Variants in INO80D observed in about 807,000 individuals in gnomAD.
INO80D encodes INO80 complex subunit D.
Under a neutral mutation model 87.6 loss-of-function variants are expected in INO80D, and 21 were observed. The observed-to-expected ratio is 0.24, with a 90% CI of 0.17 to 0.35. The LOEUF is 0.35. Among genes scored for constraint, INO80D ranks in the 10% least tolerant of loss-of-function variants. The probability of loss-of-function intolerance (pLI) is 1.00; values close to 1 mark genes in which losing one functional copy is unlikely to be tolerated. For missense variants in INO80D, 982 were observed against 1,280.7 expected, an observed-to-expected ratio of 0.77 and a Z score of 3.56; for synonymous variants, 440 against 491.0, an observed-to-expected ratio of 0.90 and a Z score of 1.37.
At chr2:206,076,996 G>T in intron 1 of INO80D, among the ~76,000 whole-genome samples, 1 of 152,220 alleles carries the variant, frequency 6.6e-6, no homozygotes, top group South Asian at 2.1e-4. Flanking sequence ...ATTAGAAGCC[G>T]GGCGCGGTGG....
Position 206,085,593 on chromosome 2 carries a change from C to CG in INO80D, c.-124+307_-124+308insC, listed in dbSNP as rs1690433123. Reference sequence around the variant, plus strand: ...CGGCCCGAGGCCTACCGGCGCCCCCCCCTCCCGCCGCACACCCCCACCTGG... The same window carrying CG: ...CGGCCCGAGGCCTACCGGCGCCCCCCGCCTCCCGCCGCACACCCCCACCTGG... On this transcript the variant is annotated intron_variant, in intron 1 of 10. Coordinates refer to ENST00000403263, the MANE Select transcript of INO80D (RefSeq NM_017759.5). This position sits in a 1 kb window ranked among gnomAD's most constrained non-coding sequence, Gnocchi z 4.5. 1 of 149,294 alleles carries CG rather than the reference C, an allele frequency of 6.7e-6. No homozygotes were observed. The highest frequency in any genetic ancestry group is 2.1e-4 in the South Asian group (1 of 4,824). 9.2% of individuals were successfully genotyped at this position (149,294 alleles called of 1,614,324 possible).
At chr2:206,083,743 TAAC>T (rs1690348160) in intron 1 of INO80D, among the ~76,000 whole-genome samples, 1 of 149,714 alleles carries the variant, frequency 6.7e-6, no homozygotes, top group African/African-American at 2.5e-5. Flanking sequence ...AGCTTTTCAC[TAAC>T]AACAGTGCTG....
intron 1 of INO80D, among the ~76,000 whole-genome samples, chr2:206,084,376 C>G (rs1022877752): frequency 6.6e-6 from 1 of 152,198 alleles, no homozygotes. Context: ...CTCCATTACT[C>G]TATTTCTAGG....
intron 3 of INO80D, among the ~76,000 whole-genome samples, chr2:206,058,739 C>G (rs563430901): frequency 2.6e-5 from 4 of 151,618 alleles, no homozygotes; most frequent in African/African-American, 7.2e-5. Context: ...TCTCAAAAAA[C>G]AAACAACAAA....
At position 206,062,598 on chromosome 2, in the gene INO80D, T is replaced by C. The variant is rs1272638276; in HGVS notation, c.218+201A>G. On this transcript the variant is annotated intron_variant, in intron 3 of 10. Coordinates refer to ENST00000403263, the MANE Select transcript of INO80D (RefSeq NM_017759.5). This position sits in a 1 kb window ranked among gnomAD's most constrained non-coding sequence, Gnocchi z 4.6. Reference sequence around the variant, plus strand: ...GTAATTCCCCAAATTTATTACTCTATTTTAAAAAATTGCCATATTTCATCT... The same window carrying C: ...GTAATTCCCCAAATTTATTACTCTACTTTAAAAAATTGCCATATTTCATCT... Among the ~76,000 whole-genome samples the C allele has an allele frequency of 1.3e-5, 2 of 152,210 alleles. No individual in the cohort carries two copies. Among genetic ancestry groups the C allele is most frequent in the African/African-American group, 4.8e-5 (2 of 41,458 alleles).
chr2:206,074,614 T>A lies in INO80D; in HGVS notation c.-124+11287A>T, dbSNP rs186327179. 3.7e-4 allele frequency among the ~76,000 whole-genome samples: 55 copies of A among 150,316 alleles called. No homozygotes were observed. In the East Asian group the frequency reaches 9.2e-3, roughly 25 times the overall value. On this transcript the variant is annotated intron_variant, in intron 1 of 10. Coordinates refer to ENST00000403263, the MANE Select transcript of INO80D (RefSeq NM_017759.5). ...GTCTAAAAACAAAAACAAAAAACAG[T>A]AGGAAATATGATTAGGTTTAGGTTT...
rs555093166 is a variant in INO80D at position 206,085,210 on chromosome 2, C to T, written c.-124+691G>A. ...TCTGGGCCGCGGCTGCACCTGACTCCTCACCGCCCCTCCACCCGACCCCAC... is the reference window on the plus strand; with the variant it reads ...TCTGGGCCGCGGCTGCACCTGACTCTTCACCGCCCCTCCACCCGACCCCAC... On this transcript the variant is annotated intron_variant, in intron 1 of 10. Coordinates refer to ENST00000403263, the MANE Select transcript of INO80D (RefSeq NM_017759.5). This position sits in a 1 kb window ranked among gnomAD's most constrained non-coding sequence, Gnocchi z 4.5. Among the ~76,000 whole-genome samples, 1 of 152,250 alleles carries T rather than the reference C, an allele frequency of 6.6e-6. No homozygotes were observed. Among genetic ancestry groups the T allele is most frequent in the African/African-American group, 2.4e-5 (1 of 41,568 alleles).
chr2:206,005,023 A>T lies in INO80D; in HGVS notation c.2429T>A (p.Ile810Asn). Residue 810 changes from isoleucine to asparagine, a missense_variant, in exon 11 of 11, where the codon ATC becomes AAC. Physicochemically the swap from Ile to Asn is moderately radical, Grantham distance 149. Coordinates refer to ENST00000403263, the MANE Select transcript of INO80D (RefSeq NM_017759.5). ...ACTGCTGTATTGCTGTCGTGAGGTG[A>T]TTAGGTCATCTGCCTTGCTCAGCAG... is the stretch of plus-strand genomic sequence containing the variant. The part of the protein sequence containing the change: ...AQLLSKADDL[I>N]TSRQQYSSDH... 1 of 1,613,890 alleles carries T rather than the reference A, an allele frequency of 6.2e-7. No individual in the cohort carries two copies. Among genetic ancestry groups the T allele is most frequent in the Non-Finnish European group, 8.5e-7 (1 of 1,179,850 alleles).
At chr2:206,043,476 G>T (rs940623771) in intron 5 of INO80D, among the ~76,000 whole-genome samples, 2 of 151,338 alleles carry the variant, frequency 1.3e-5, no homozygotes, top group Non-Finnish European at 2.9e-5. Context: ...AGCCAGGTAG[G>T]GCCAATTTTC....
intron 1 of INO80D, among the ~76,000 whole-genome samples, chr2:206,065,210 C>A (rs1056718834): frequency 6.6e-6 from 1 of 152,156 alleles, no homozygotes; most frequent in African/African-American, 2.4e-5. Flanking sequence ...GTGGCTCATG[C>A]CTGTAATCCC....
chr2:206,022,342 G>C (rs927393376), intron 6 of INO80D, among the ~76,000 whole-genome samples: 5 of 151,964 alleles, frequency 3.3e-5, no homozygotes, highest in African/African-American at 1.2e-4. Flanking sequence ...ACTCCAGCCT[G>C]GGCAACAGAG....
intron 5 of INO80D, among the ~76,000 whole-genome samples, chr2:206,039,550 G>A (rs1465637905): frequency 6.6e-6 from 1 of 151,840 alleles, no homozygotes; most frequent in African/African-American, 2.4e-5. Context: ...AGTGGCTCAC[G>A]CCTATAATCG....
chr2:206,016,590 G>C (rs1238327471), intron 8 of INO80D, among the ~76,000 whole-genome samples: 1 of 152,194 alleles, frequency 6.6e-6, no homozygotes, highest in Non-Finnish European at 1.5e-5. Context: ...ACAATGTGAA[G>C]ATATGCTATT....
At chr2:206,046,403 G>T in intron 5 of INO80D, 101 bp downstream of exon 5, 1 of 768,986 alleles carries the variant, frequency 1.3e-6, no homozygotes, top group Non-Finnish European at 2.2e-6. Flanking sequence ...AGTCAGGCTT[G>T]GTGGCAGTAA....
chr2:206,007,277 A>C lies in INO80D; in HGVS notation c.1918+7T>G, dbSNP rs1467223851. The C allele has an allele frequency of 1.2e-6, 2 of 1,612,086 alleles. No homozygotes were observed. Among genetic ancestry groups the C allele is most frequent in the Non-Finnish European group, 1.7e-6 (2 of 1,179,196 alleles). On this transcript the variant is annotated splice_region_variant and intron_variant, in intron 10 of 10. Coordinates refer to ENST00000403263, the MANE Select transcript of INO80D (RefSeq NM_017759.5). ...CCAGTTTCCTTGAGTCAAAATATTG[A>C]CTATACCTTCAAAAAAATCAAAATC...
At chr2:206,076,127 C>T (rs1414370243) in intron 1 of INO80D, among the ~76,000 whole-genome samples, 3 of 150,212 alleles carry the variant, frequency 2.0e-5, no homozygotes, top group African/African-American at 7.3e-5. Context: ...TGGGAGGCCA[C>T]GGCAGAAGGA....
At chr2:206,047,411 G>T (rs1232736554) in intron 4 of INO80D, among the ~76,000 whole-genome samples, 1 of 151,680 alleles carries the variant, frequency 6.6e-6, no homozygotes, top group Non-Finnish European at 1.5e-5. Flanking sequence ...TAGAGATGGG[G>T]TTTCGCCATG....
At chr2:206,050,028 G>T (rs756736394) in intron 4 of INO80D, among the ~76,000 whole-genome samples, 57 of 152,020 alleles carry the variant, frequency 3.7e-4, no homozygotes, top group Non-Finnish European at 2.4e-4. Context: ...AGCTACTCAG[G>T]AGGCTGAGGC....
intron 8 of INO80D, among the ~76,000 whole-genome samples, chr2:206,015,743 C>G (rs1430677564): frequency 6.6e-6 from 1 of 151,998 alleles, no homozygotes; most frequent in African/African-American, 2.4e-5. Flanking sequence ...ACAAATTAGC[C>G]AAGCGTGGTG....
Sources: allele counts gnomAD v4.1 joint callset (sites outside exome capture counted in the v4.1 genomes callset), GRCh38; gene constraint gnomAD v4.1.1; non-coding constraint Gnocchi (gnomAD v3.1); transcripts MANE v1.5; gene names NCBI Gene and HGNC (gene_info 2026-07-23, HGNC 2026-07-21).